Variants in ARHGEF12 observed in about 807,000 individuals in gnomAD.
ARHGEF12 encodes Rho guanine nucleotide exchange factor 12.
ARHGEF12 carries 66 observed loss-of-function variants against 211.2 expected under a neutral mutation model. The ratio of observed to expected loss-of-function variants is 0.31; its 90% CI spans 0.26 to 0.38. The LOEUF is 0.38. ARHGEF12 is among the 10% of genes least tolerant of loss of function. The pLI is 1.00. For missense variants in ARHGEF12, 1,429 were observed against 1,869.5 expected, an observed-to-expected ratio of 0.76 and a Z score of 4.34; for synonymous variants, 592 against 638.4, an observed-to-expected ratio of 0.93 and a Z score of 1.09.
chr11:120,406,079 A>G (rs1024428502), intron 1 of ARHGEF12, 39 bp from the exon 2 acceptor site: 20 of 1,465,458 alleles, frequency 1.4e-5, no homozygotes, highest in African/African-American at 4.4e-5. Context: ...TCTTACAAGT[A>G]AAGTAACTAC....
chr11:120,360,649 T>A (rs973520254), intron 1 of ARHGEF12, among the ~76,000 whole-genome samples: 15 of 152,218 alleles, frequency 9.9e-5, no homozygotes, highest in Non-Finnish European at 2.1e-4. Context: ...TACCTCGGCT[T>A]CCCAAAGTGC....
intron 1 of ARHGEF12, among the ~76,000 whole-genome samples, chr11:120,353,784 G>A (rs1035887073): frequency 2.0e-5 from 3 of 152,014 alleles, no homozygotes; most frequent in Non-Finnish European, 1.5e-5. Context: ...CCCACACTGG[G>A]TTCCTCCCCT....
At position 120,486,145 on chromosome 11, in the gene ARHGEF12, T is replaced by C. The variant is rs1947391719; in HGVS notation, c.*1068T>C. 1 of 233,190 alleles carries C rather than the reference T, an allele frequency of 4.3e-6. No individual in the cohort carries two copies. Among genetic ancestry groups the C allele is most frequent in the Non-Finnish European group, 8.5e-6 (1 of 117,910 alleles). The allele number at this position is 233,190 out of a possible 1,614,324, so 14.4% of individuals were successfully genotyped here. On this transcript the variant is annotated 3_prime_UTR_variant, in exon 41 of 41. Coordinates refer to ENST00000397843, the MANE Select transcript of ARHGEF12 (RefSeq NM_015313.3). ...GTTATCTAACTGAATCACTACTGAGTTGAATCATGGCTATCATTAGCCACA... is the reference window on the plus strand; with the variant it reads ...GTTATCTAACTGAATCACTACTGAGCTGAATCATGGCTATCATTAGCCACA...
At chr11:120,462,082 T>G (rs1357672046) in intron 27 of ARHGEF12, among the ~76,000 whole-genome samples, 1 of 152,204 alleles carries the variant, frequency 6.6e-6, no homozygotes, top group Non-Finnish European at 1.5e-5. Flanking sequence ...AGTTGGCCAT[T>G]TGGCGTAAGA....
At position 120,389,358 on chromosome 11, in the gene ARHGEF12, A is replaced by G. The variant is rs146191885; in HGVS notation, c.33-16760A>G. On this transcript the variant is annotated intron_variant, in intron 1 of 40. Coordinates refer to ENST00000397843, the MANE Select transcript of ARHGEF12 (RefSeq NM_015313.3). ...TTCTTTCGTAGATTGTGCTTTTGCT[A>G]TATCTAAGAAATATTTGCCTAACCC... 1.2e-4 allele frequency among the ~76,000 whole-genome samples: 19 copies of G among 152,266 alleles called. No individual in the cohort carries two copies. In the East Asian group the frequency reaches 2.9e-3, roughly 23 times the overall value.
chr11:120,371,486 T>C (rs1039824428), intron 1 of ARHGEF12, among the ~76,000 whole-genome samples: 1 of 152,102 alleles, frequency 6.6e-6, no homozygotes, highest in Non-Finnish European at 1.5e-5. Flanking sequence ...AACCTCCGTC[T>C]CAAAAAACAA....
At chr11:120,376,910 G>T (rs1197943903) in intron 1 of ARHGEF12, among the ~76,000 whole-genome samples, 1 of 152,052 alleles carries the variant, frequency 6.6e-6, no homozygotes, top group Non-Finnish European at 1.5e-5. Flanking sequence ...TTCGGTGTCT[G>T]GCCTATTTCA....
rs1344146088 is a variant in ARHGEF12, at chr11:120,488,233, G to T, written c.*3156G>T. 9.3e-6 allele frequency: 2 copies of T among 215,690 alleles called. No homozygotes were observed. The highest frequency in any genetic ancestry group is 1.9e-5 in the Non-Finnish European group (2 of 107,128). 13.4% of individuals were successfully genotyped at this position (215,690 alleles called of 1,614,324 possible). On this transcript the variant is annotated 3_prime_UTR_variant, in exon 41 of 41. Coordinates refer to ENST00000397843, the MANE Select transcript of ARHGEF12 (RefSeq NM_015313.3). ...TAGTAAATTTGGTGTAATACGTGGG[G>T]CTTCCATATTTCAAAGTGGAAGCTT...
In ARHGEF12 at chr11:120,459,120, A is replaced by T. The variant is rs1591619841; in HGVS notation, c.2381-54A>T. 11 of 1,426,262 alleles carry T rather than the reference A, an allele frequency of 7.7e-6. No homozygotes were observed. In the East Asian group the frequency reaches 2.7e-4, roughly 35 times the overall value. The allele number at this position is 1,426,262 out of a possible 1,614,324, so 88.4% of individuals were successfully genotyped here. On this transcript the variant is annotated intron_variant, in intron 25 of 40. Coordinates refer to ENST00000397843, the MANE Select transcript of ARHGEF12 (RefSeq NM_015313.3). ...TCACTCCAGCTAAAGACTATGATTG[A>T]TCCCATGGAATTGTTCTAAGTAAGG...
chr11:120,465,161 G>C, intron 27 of ARHGEF12, 76 bp from the exon 28 acceptor site: 1 of 1,572,354 alleles, frequency 6.4e-7, no homozygotes, highest in Non-Finnish European at 8.7e-7. Flanking sequence ...AAGGATTCTG[G>C]TTGTCTGTCA....
At chr11:120,483,776 G>A (rs1323642417) in intron 39 of ARHGEF12, among the ~76,000 whole-genome samples, 8 of 151,790 alleles carry the variant, frequency 5.3e-5, no homozygotes, top group Non-Finnish European at 1.0e-4. Flanking sequence ...CACCATGCCC[G>A]GCTAATTTTT....
chr11:120,457,169 C>T lies in ARHGEF12; in HGVS notation c.2108C>T (p.Thr703Ile), dbSNP rs1555117968. 8.1e-6 allele frequency: 13 copies of T among 1,614,102 alleles called. No individual in the cohort carries two copies. The East Asian group carries it at 2.5e-4, about 30-fold the overall frequency. The change falls in exon 23 of 41, where the codon ACA becomes ATA. Residue 703 changes from threonine to isoleucine, a missense_variant. Thr to Ile is a moderately conservative substitution (Grantham distance 89). Transcript: ENST00000397843. ...GCACCTGGAGACACCTTAGATGGCA[C>T]ACCTCGTACTCTCAATACTGTCTTT... ...TSAPGDTLDG[T>I]PRTLNTVFDF...
intron 2 of ARHGEF12, among the ~76,000 whole-genome samples, chr11:120,407,180 C>T (rs1008219867): frequency 6.6e-6 from 1 of 152,156 alleles, no homozygotes; most frequent in Non-Finnish European, 1.5e-5. Context: ...ATTATCTGAT[C>T]AGTGTAATTG....
chr11:120,472,724 G>A (rs1006862688), intron 30 of ARHGEF12, among the ~76,000 whole-genome samples: 5 of 151,638 alleles, frequency 3.3e-5, no homozygotes, highest in Non-Finnish European at 4.4e-5. Context: ...GCGTGATCTC[G>A]GCTCACTGCA....
At chr11:120,464,100 G>A (rs1478116337) in intron 27 of ARHGEF12, 1 of 152,152 alleles carries the variant, frequency 6.6e-6, no homozygotes, top group African/African-American at 2.4e-5. Flanking sequence ...TCTCCCCCAA[G>A]CCAGCTCCAG....
In ARHGEF12 at chr11:120,451,721, A is replaced by T; in HGVS notation, c.2053A>T (p.Thr685Ser). ...CCAGGAAGGAGGGAAAGAGAATGAT[A>T]CAGGTGAGCTATTACTGTAGTTCAG... ...FSQEGGKEND[T>S]GSKQVGETSA... The change falls in exon 22 of 41, where the codon ACA becomes TCA. Residue 685 changes from threonine to serine, a missense_variant. Transcript: ENST00000397843. 2 of 1,613,302 alleles carry T rather than the reference A, an allele frequency of 1.2e-6. No homozygotes were observed. Among genetic ancestry groups the T allele is most frequent in the Non-Finnish European group, 1.7e-6 (2 of 1,179,560 alleles).
intron 4 of ARHGEF12, among the ~76,000 whole-genome samples, chr11:120,417,663 T>C (rs10790382): frequency 0.44 from 66,338 of 151,224 alleles, 15,033 homozygotes; most frequent in African/African-American, 0.55. Flanking sequence ...TACAGGTACC[T>C]ACCACCATGC....
intron 21 of ARHGEF12, 114 bp from the exon 22 acceptor site, chr11:120,451,398 C>T (rs546763070): frequency 1.0e-5 from 9 of 876,488 alleles, no homozygotes; most frequent in African/African-American, 5.0e-5. Context: ...AGGATGGTCT[C>T]GATCTCCTGA....
At chr11:120,432,880 A>T (rs1186309415) in intron 11 of ARHGEF12, among the ~76,000 whole-genome samples, 1 of 152,162 alleles carries the variant, frequency 6.6e-6, no homozygotes, top group Non-Finnish European at 1.5e-5. Context: ...CCAGTTCCTC[A>T]TGCAAAAAAC....
Sources: gnomAD v4.1 joint callset for allele counts (sites outside exome capture counted in the v4.1 genomes callset) on GRCh38, gnomAD v4.1.1 for gene constraint, MANE v1.5 for transcripts, NCBI Gene and HGNC (gene_info 2026-07-23, HGNC 2026-07-21) for gene names.